The following RUNDC3B variants were observed in gnomAD, a reference collection of about 807,000 sequenced individuals.
RUNDC3B encodes the protein RUN domain containing 3B.
In RUNDC3B, 33 loss-of-function variants were observed where a neutral mutation model predicts 58.4. The observed-to-expected ratio is 0.56, with a 90% CI of 0.43 to 0.75. The LOEUF (loss-of-function observed/expected upper bound fraction) is 0.75. RUNDC3B is among the 30% of genes least tolerant of loss of function. The pLI, the probability that RUNDC3B is intolerant of heterozygous loss-of-function variation, is 0.00. For synonymous variants in RUNDC3B, 193 were observed against 195.2 expected (o/e 0.99, Z 0.10); for missense variants, 501 against 535.7 (o/e 0.94, Z 0.64).
In RUNDC3B at chr7:87,628,584, C is replaced by CGCGTGTGT. The variant is rs1820843188; in HGVS notation, c.-239_-238insCGTGTGTG. 3.6e-6 allele frequency: 1 copy of CGCGTGTGT among 278,404 alleles called. No homozygotes were observed. The highest frequency in any genetic ancestry group is 6.6e-6 in the Non-Finnish European group (1 of 152,656). 17.2% of individuals were successfully genotyped at this position (278,404 alleles called of 1,614,324 possible). ...CGAGGGCGGAGGTGGTGCGTGCGTG[C>CGCGTGTGT]GTGTGTGTGTGTGTGTGTGTGTGTG... is the stretch of plus-strand genomic sequence containing the variant. On this transcript the variant is annotated 5_prime_UTR_variant, in exon 1 of 11. Coordinates refer to ENST00000394654, the MANE Select transcript of RUNDC3B (RefSeq NM_001134405.2).
chr7:87,771,125 G>A (rs1834255193), intron 7 of RUNDC3B, among the ~76,000 whole-genome samples: 1 of 152,156 alleles, frequency 6.6e-6, no homozygotes, highest in African/African-American at 2.4e-5. Flanking sequence ...TGTGTGTTAA[G>A]CACTGTAGTA....
chr7:87,718,781 A>G (rs1336996502), intron 4 of RUNDC3B, among the ~76,000 whole-genome samples: 2 of 152,176 alleles, frequency 1.3e-5, no homozygotes, highest in South Asian at 2.1e-4. Flanking sequence ...CAGAAACACT[A>G]CTTGTATTTC....
chr7:87,710,692 A>T, intron 4 of RUNDC3B, 37 bp downstream of exon 4: 1 of 1,172,416 alleles, frequency 8.5e-7, no homozygotes, highest in Non-Finnish European at 1.2e-6. Flanking sequence ...TATATATTTG[A>T]AAGAATCACC....
chr7:87,810,364 TG>T (rs1260473351), intron 9 of RUNDC3B, among the ~76,000 whole-genome samples: 4 of 152,180 alleles, frequency 2.6e-5, no homozygotes, highest in Non-Finnish European at 5.9e-5. Context: ...TTATTTAGCA[TG>T]GTGTGATTAG....
chr7:87,760,206 C>T (rs1008515835), intron 6 of RUNDC3B, among the ~76,000 whole-genome samples: 3 of 151,788 alleles, frequency 2.0e-5, no homozygotes, highest in African/African-American at 7.3e-5. Flanking sequence ...TAGCCATTAG[C>T]CACATGTGGC....
intron 10 of RUNDC3B, among the ~76,000 whole-genome samples, chr7:87,827,047 C>T (rs1837855113): frequency 6.6e-6 from 1 of 151,802 alleles, no homozygotes. Context: ...GAGAGCCTAT[C>T]AAAAGAAATT....
At chr7:87,807,552 ATAGT>A (rs759717815) in intron 9 of RUNDC3B, 33 bp downstream of exon 9, 64 of 1,521,110 alleles carry the variant, frequency 4.2e-5, no homozygotes, top group African/African-American at 6.8e-5. Flanking sequence ...CAACTAATTA[ATAGT>A]TAGTTGTACC....
At chr7:87,801,217 AGTT>A (rs1836134426) in intron 8 of RUNDC3B, among the ~76,000 whole-genome samples, 1 of 152,190 alleles carries the variant, frequency 6.6e-6, no homozygotes, top group South Asian at 2.1e-4. Flanking sequence ...ATCACTAAGA[AGTT>A]GATATTTGAG....
intron 2 of RUNDC3B, among the ~76,000 whole-genome samples, chr7:87,684,875 G>C (rs968837400): frequency 6.6e-6 from 1 of 150,588 alleles, no homozygotes; most frequent in Non-Finnish European, 1.5e-5. Flanking sequence ...TAACCTTTAA[G>C]AATAATAGGC....
In RUNDC3B at chr7:87,749,868, T is replaced by A. The variant is rs566083827; in HGVS notation, c.629+8289T>A. ...ATACAGTATTTTCTTTCTTTTTTTTTAATTTATTTTTATTTTTTTATTATT... is the reference window on the plus strand; with the variant it reads ...ATACAGTATTTTCTTTCTTTTTTTTAAATTTATTTTTATTTTTTTATTATT... On this transcript the variant is annotated intron_variant, in intron 6 of 10. Coordinates refer to ENST00000394654, the MANE Select transcript of RUNDC3B (RefSeq NM_001134405.2). 4.0e-3 allele frequency among the ~76,000 whole-genome samples: 612 copies of A among 151,850 alleles called. 3 individuals are homozygous for A. The highest frequency in any genetic ancestry group is 0.013 in the African/African-American group (542 of 41,510).
intron 1 of RUNDC3B, among the ~76,000 whole-genome samples, chr7:87,633,812 T>A (rs1445303724): frequency 1.3e-5 from 2 of 152,168 alleles, no homozygotes; most frequent in Non-Finnish European, 2.9e-5. Context: ...TGCAGATATG[T>A]GAAATGTTAT....
At chr7:87,662,303 G>T (rs1293701866) in intron 2 of RUNDC3B, among the ~76,000 whole-genome samples, 1 of 152,040 alleles carries the variant, frequency 6.6e-6, no homozygotes, top group Non-Finnish European at 1.5e-5. Context: ...TTCTTATGGG[G>T]TGTCAGTCAA....
chr7:87,700,330 C>T, intron 2 of RUNDC3B, 91 bp from the exon 3 acceptor site: 1 of 1,139,920 alleles, frequency 8.8e-7, no homozygotes. Context: ...ACTATATTAC[C>T]TTTATTTTTC....
At chr7:87,744,752 T>C (rs1054013287) in intron 6 of RUNDC3B, among the ~76,000 whole-genome samples, 1 of 152,196 alleles carries the variant, frequency 6.6e-6, no homozygotes, top group Non-Finnish European at 1.5e-5. Flanking sequence ...TAAACGATCA[T>C]ATCATCAGCA....
intron 2 of RUNDC3B, among the ~76,000 whole-genome samples, chr7:87,685,237 T>G (rs528952068): frequency 2.2e-4 from 33 of 152,140 alleles, no homozygotes; most frequent in Non-Finnish European, 3.4e-4. Context: ...TATAAAAACC[T>G]TAATAATATG....
At chr7:87,739,644 T>C (rs560311769) in intron 4 of RUNDC3B, 147 bp from the exon 5 acceptor site, 8 of 402,650 alleles carry the variant, frequency 2.0e-5, no homozygotes, top group East Asian at 1.8e-4. Context: ...TCTTCAAAAC[T>C]TCAGTGATGG....
intron 2 of RUNDC3B, among the ~76,000 whole-genome samples, chr7:87,682,724 G>T (rs191636829): frequency 6.6e-6 from 1 of 152,296 alleles, no homozygotes; most frequent in East Asian, 1.9e-4. Flanking sequence ...CATTTATAGA[G>T]CTCAGGCAGA....
At chr7:87,734,781 T>C (rs10227951) in intron 4 of RUNDC3B, among the ~76,000 whole-genome samples, 21,965 of 152,100 alleles carry the variant, frequency 0.14, 2,533 homozygotes, top group African/African-American at 0.32. Flanking sequence ...TCTCTGTCCA[T>C]ACTGTACTCC....
At chr7:87,822,640 A>G (rs1289604580) in intron 10 of RUNDC3B, among the ~76,000 whole-genome samples, 6 of 152,228 alleles carry the variant, frequency 3.9e-5, no homozygotes, top group African/African-American at 1.2e-4. Context: ...AACCAAGCCA[A>G]ATGTCCAACA....
Sources: gnomAD v4.1 joint callset for allele counts (sites outside exome capture counted in the v4.1 genomes callset) on GRCh38, gnomAD v4.1.1 for gene constraint, MANE v1.5 for transcripts, NCBI Gene and HGNC (gene_info 2026-07-23, HGNC 2026-07-21) for gene names.